The following FAT3 variants were observed in gnomAD, a reference collection of about 807,000 sequenced individuals.
The protein encoded by FAT3 is protocadherin Fat 3.
FAT3 carries 95 observed loss-of-function variants against 310.2 expected under a neutral mutation model. That is an observed-to-expected ratio of 0.31 (90% confidence interval 0.26 to 0.36). The LOEUF is 0.36. Ranked by LOEUF, FAT3 falls within the 10% of genes least tolerant of loss-of-function variation. The pLI, the probability that FAT3 is intolerant of heterozygous loss-of-function variation, is 1.00. For synonymous variants in FAT3, 2,314 were observed against 2,192.9 expected, an observed-to-expected ratio of 1.06 and a Z score of -1.54; for missense variants, 5,408 against 5,715.6, an observed-to-expected ratio of 0.95 and a Z score of 1.74.
Position 92,378,506 on chromosome 11 carries a change from C to T in FAT3, c.3292+23102C>T, listed in dbSNP as rs1226602330. ...GTTGGAAATGTAGGTTCATTTCAGACAGCAGTTTTCACATAAGGCATTATA... is the reference window on the plus strand; with the variant it reads ...GTTGGAAATGTAGGTTCATTTCAGATAGCAGTTTTCACATAAGGCATTATA... On this transcript the variant is annotated intron_variant, in intron 2 of 27. Transcript: ENST00000525166. 5.9e-5 allele frequency among the ~76,000 whole-genome samples: 9 copies of T among 152,162 alleles called. No individual in the cohort carries two copies. The East Asian group carries it at 1.5e-3, about 26-fold the overall frequency.
intron 3 of FAT3, among the ~76,000 whole-genome samples, chr11:92,656,148 C>T (rs958885166): frequency 2.0e-5 from 3 of 152,148 alleles, no homozygotes; most frequent in Non-Finnish European, 2.9e-5. Flanking sequence ...CGGCTCTGCT[C>T]TTTTTGACAT....
At chr11:92,751,822 C>T (rs1016554734) in intron 4 of FAT3, among the ~76,000 whole-genome samples, 2 of 152,134 alleles carry the variant, frequency 1.3e-5, no homozygotes, top group Admixed American at 6.5e-5. Context: ...CGTGCTGCCA[C>T]GCCAAACAGA....
intron 4 of FAT3, among the ~76,000 whole-genome samples, chr11:92,761,090 G>A (rs966836258): frequency 2.0e-5 from 3 of 152,208 alleles, no homozygotes; most frequent in African/African-American, 7.2e-5. Context: ...ATGGAGATGT[G>A]TCTTAGTCTG....
intron 1 of FAT3, among the ~76,000 whole-genome samples, chr11:92,229,815 G>C (rs1021729639): frequency 7.9e-6 from 1 of 126,928 alleles, no homozygotes; most frequent in African/African-American, 3.0e-5. Context: ...TTTTTTTTCT[G>C]CTAAGTGGAA....
At chr11:92,699,728 G>A (rs1944040518) in intron 4 of FAT3, among the ~76,000 whole-genome samples, 1 of 152,188 alleles carries the variant, frequency 6.6e-6, no homozygotes, top group Non-Finnish European at 1.5e-5. Context: ...GCAGAGGGAA[G>A]TAGGACAGCA....
intron 2 of FAT3, among the ~76,000 whole-genome samples, chr11:92,440,295 T>A (rs770235617): frequency 8.5e-5 from 13 of 152,060 alleles, no homozygotes; most frequent in Non-Finnish European, 1.9e-4. Context: ...GTCAGTAAAT[T>A]GTTTGTTATT....
At chr11:92,443,408 C>A (rs548630845) in intron 2 of FAT3, among the ~76,000 whole-genome samples, 1 of 152,242 alleles carries the variant, frequency 6.6e-6, no homozygotes, top group South Asian at 2.1e-4. Context: ...TAACACAGCT[C>A]AATTTTTAAA....
At position 92,792,956 on chromosome 11, in the gene FAT3, C is replaced by T. The variant is rs771981991; in HGVS notation, c.4801C>T (p.Leu1601Phe). 1.2e-6 allele frequency: 2 copies of T among 1,613,436 alleles called. No individual in the cohort carries two copies. Among genetic ancestry groups the T allele is most frequent in the East Asian group, 4.5e-5 (2 of 44,836 alleles). Reference sequence around the variant, plus strand: ...CAAAGACAAAGGAGAAAATGCAGAACTCATATATACCATAGAAGCAGGTGA... The same window carrying T: ...CAAAGACAAAGGAGAAAATGCAGAATTCATATATACCATAGAAGCAGGTGA... ...LDKDKGENAE[L>F]IYTIEAGNTG... Residue 1601 changes from leucine (L) to phenylalanine (F), a missense_variant, in exon 9 of 28, where the codon CTC becomes TTC. Physicochemically the swap from Leu to Phe is conservative, Grantham distance 22. Around this residue, in one of 5 missense-constraint regions of FAT3, gnomAD observed 4,588 missense variants for 4,809.8 expected, o/e 0.95. Transcript: ENST00000525166.
chr11:92,316,726 T>C (rs147236624), intron 1 of FAT3, among the ~76,000 whole-genome samples: 280 of 152,306 alleles, frequency 1.8e-3, no homozygotes, highest in African/African-American at 6.3e-3. Flanking sequence ...TTTGGAATCA[T>C]TCTATTTCAA....
intron 2 of FAT3, among the ~76,000 whole-genome samples, chr11:92,503,933 G>A (rs1011677360): frequency 7.9e-5 from 12 of 152,222 alleles, no homozygotes; most frequent in African/African-American, 2.9e-4. Flanking sequence ...TCATTTTATA[G>A]TGGCAGAGGT....
intron 1 of FAT3, among the ~76,000 whole-genome samples, chr11:92,263,720 A>G (rs2134313942): frequency 6.6e-6 from 1 of 152,218 alleles, no homozygotes; most frequent in African/African-American, 2.4e-5. Flanking sequence ...ATTAAAAATG[A>G]ACAAATTATG....
intron 1 of FAT3, among the ~76,000 whole-genome samples, chr11:92,229,843 A>C (rs1282856743): frequency 2.7e-5 from 4 of 149,346 alleles, no homozygotes; most frequent in Non-Finnish European, 5.9e-5. Flanking sequence ...AAATTTGAGA[A>C]TGGATTAACT....
chr11:92,832,570 C>T (rs187126293), intron 14 of FAT3, among the ~76,000 whole-genome samples: 78 of 152,170 alleles, frequency 5.1e-4, no homozygotes, highest in African/African-American at 1.8e-3. Context: ...ATCTGACCCC[C>T]AGGTTGGCTC....
chr11:92,873,169 A>T (rs540496834), intron 22 of FAT3, among the ~76,000 whole-genome samples: 1 of 152,310 alleles, frequency 6.6e-6, no homozygotes, highest in African/African-American at 2.4e-5. Flanking sequence ...GTTCCCGATG[A>T]AGTGAGTATT....
intron 2 of FAT3, among the ~76,000 whole-genome samples, chr11:92,478,945 TTTCTTTC>T (rs1228247065): frequency 3.3e-5 from 2 of 60,730 alleles, no homozygotes; most frequent in African/African-American, 1.4e-4. Context: ...TCTTTCTTTC[TTTCTTTC>T]TTTTCTTTTC....
intron 3 of FAT3, among the ~76,000 whole-genome samples, chr11:92,661,201 G>T (rs1032648285): frequency 6.6e-6 from 1 of 152,212 alleles, no homozygotes; most frequent in African/African-American, 2.4e-5. Flanking sequence ...GCTTTCCAGG[G>T]AAGGCCCATG....
chr11:92,587,057 T>C (rs1370700787), intron 3 of FAT3, among the ~76,000 whole-genome samples: 1 of 152,024 alleles, frequency 6.6e-6, no homozygotes, highest in Non-Finnish European at 1.5e-5. Context: ...AGGAATCTTC[T>C]TATAGCTGAA....
chr11:92,372,722 G>A (rs1028688424), intron 2 of FAT3, among the ~76,000 whole-genome samples: 7 of 151,870 alleles, frequency 4.6e-5, no homozygotes, highest in Non-Finnish European at 5.9e-5. Context: ...GTGCAGTGGC[G>A]CGATCTCGGC....
chr11:92,248,826 C>A (rs12806506), intron 1 of FAT3, among the ~76,000 whole-genome samples: 7,816 of 152,092 alleles, frequency 0.051, 270 homozygotes, highest in African/African-American at 0.092. Flanking sequence ...TCCCAAGGGG[C>A]AGAATAAATT....
Sources: gnomAD v4.1 joint callset for allele counts (sites outside exome capture counted in the v4.1 genomes callset) on GRCh38, gnomAD v4.1.1 for gene constraint, gnomAD v4.1.1 regional missense constraint, MANE v1.5 for transcripts, NCBI Gene and HGNC (gene_info 2026-07-23, HGNC 2026-07-21) for gene names.